Variants in KAZN observed in about 807,000 individuals in gnomAD.
KAZN encodes kazrin, periplakin interacting protein.
In KAZN, 40 loss-of-function variants were observed where a neutral mutation model predicts 87.4. The ratio of observed to expected loss-of-function variants is 0.46; its 90% CI spans 0.36 to 0.60. The LOEUF (loss-of-function observed/expected upper bound fraction) is 0.60, where lower values mean the gene tolerates loss of function less well. Among genes scored for constraint, KAZN ranks in the 20% least tolerant of loss-of-function variants. The pLI is 0.00. For missense variants in KAZN, 898 were observed against 1,073.9 expected, an observed-to-expected ratio of 0.84 and a Z score of 2.29; for synonymous variants, 466 against 458.3, an observed-to-expected ratio of 1.02 and a Z score of -0.22.
chr1:14,655,204 C>T (rs1375591471), intron 1 of KAZN, among the ~76,000 whole-genome samples: 1 of 152,164 alleles, frequency 6.6e-6, no homozygotes. Context: ...ACTCCAACCC[C>T]CTTCCTCTAT....
intron 2 of KAZN, among the ~76,000 whole-genome samples, chr1:14,229,246 A>G (rs1168113080): frequency 6.6e-6 from 1 of 152,210 alleles, no homozygotes; most frequent in African/African-American, 2.4e-5. Flanking sequence ...GCTCTCTTAA[A>G]AAACAAAACA....
intron 1 of KAZN, among the ~76,000 whole-genome samples, chr1:14,948,933 G>A (rs1662144203): frequency 6.6e-6 from 1 of 152,086 alleles, no homozygotes; most frequent in African/African-American, 2.4e-5. Flanking sequence ...GAGGCGAGCA[G>A]ATCACTTGAG....
At chr1:14,392,634 G>A (rs1019219789) in intron 2 of KAZN, among the ~76,000 whole-genome samples, 4 of 152,082 alleles carry the variant, frequency 2.6e-5, no homozygotes, top group Non-Finnish European at 5.9e-5. Flanking sequence ...GTGCATTGTC[G>A]GAGGTTTCAC....
chr1:14,326,890 T>A (rs1484196039), intron 2 of KAZN, among the ~76,000 whole-genome samples: 1 of 152,194 alleles, frequency 6.6e-6, no homozygotes, highest in Non-Finnish European at 1.5e-5. Context: ...TCTTCCCCCA[T>A]GTTGCCTGTC....
intron 2 of KAZN, among the ~76,000 whole-genome samples, chr1:14,205,554 A>G (rs1466495433): frequency 6.6e-6 from 1 of 152,164 alleles, no homozygotes; most frequent in Admixed American, 6.5e-5. Flanking sequence ...TTTTCTGTAT[A>G]GCCAGCATTG....
chr1:14,512,935 G>A (rs1356913913), intron 2 of KAZN, among the ~76,000 whole-genome samples: 1 of 152,162 alleles, frequency 6.6e-6, no homozygotes, highest in Non-Finnish European at 1.5e-5. Flanking sequence ...TCTCTTTCTC[G>A]GGTCTGAAAA....
At chr1:14,841,183 C>T (rs1350898726) in intron 1 of KAZN, among the ~76,000 whole-genome samples, 2 of 151,820 alleles carry the variant, frequency 1.3e-5, no homozygotes, top group East Asian at 3.9e-4. Context: ...TTTGGGAGGC[C>T]AAGGCGGGTG....
At chr1:14,888,501 A>T (rs962256792) in intron 1 of KAZN, among the ~76,000 whole-genome samples, 3 of 152,156 alleles carry the variant, frequency 2.0e-5, no homozygotes, top group Middle Eastern at 3.2e-3. Context: ...TTCAATACAC[A>T]CACTGGAAGG....
At chr1:14,684,022 T>C (rs1640822194) in intron 1 of KAZN, among the ~76,000 whole-genome samples, 2 of 152,218 alleles carry the variant, frequency 1.3e-5, no homozygotes, top group South Asian at 4.1e-4. Context: ...TATCCCACTT[T>C]ATTCTAGAAT....
At chr1:14,709,952 T>C (rs1390805294) in intron 1 of KAZN, among the ~76,000 whole-genome samples, 1 of 152,132 alleles carries the variant, frequency 6.6e-6, no homozygotes, top group African/African-American at 2.4e-5. Flanking sequence ...AATGAGAGCA[T>C]CATTCAAGGG....
intron 1 of KAZN, among the ~76,000 whole-genome samples, chr1:14,646,951 C>A (rs143476293): frequency 5.9e-5 from 9 of 152,302 alleles, no homozygotes; most frequent in African/African-American, 1.9e-4. Flanking sequence ...GGAGCTTCTG[C>A]TCCAGCACGT....
intron 2 of KAZN, among the ~76,000 whole-genome samples, chr1:14,238,638 C>T (rs1648640404): frequency 6.6e-6 from 1 of 152,246 alleles, no homozygotes; most frequent in South Asian, 2.1e-4. Context: ...AGAGGCCAGA[C>T]ATCTCTCTGG....
intron 1 of KAZN, among the ~76,000 whole-genome samples, chr1:14,756,407 C>G (rs1409811466): frequency 2.6e-5 from 4 of 152,222 alleles, no homozygotes; most frequent in Non-Finnish European, 5.9e-5. Flanking sequence ...TGGCATTTGT[C>G]TGATACCGGG....
chr1:14,329,245 C>T (rs1656673263), intron 2 of KAZN, among the ~76,000 whole-genome samples: 1 of 151,980 alleles, frequency 6.6e-6, no homozygotes, highest in African/African-American at 2.4e-5. Flanking sequence ...ATTAGCGGCT[C>T]CAGCAGAAGG....
chr1:14,551,678 C>T (rs960548226), intron 2 of KAZN, among the ~76,000 whole-genome samples: 5 of 152,088 alleles, frequency 3.3e-5, no homozygotes, highest in African/African-American at 9.7e-5. Flanking sequence ...GTGGAGGGAG[C>T]GAGGTGAAGC....
At chr1:14,338,502 A>AG (rs1225522188) in intron 2 of KAZN, among the ~76,000 whole-genome samples, 4 of 141,480 alleles carry the variant, frequency 2.8e-5, no homozygotes, top group Admixed American at 6.8e-5. Context: ...AAAAAAAAAA[A>AG]AAAGAGAGAG....
At chr1:14,422,784 G>C (rs1571609994) in intron 2 of KAZN, among the ~76,000 whole-genome samples, 1 of 152,202 alleles carries the variant, frequency 6.6e-6, no homozygotes, top group Non-Finnish European at 1.5e-5. Context: ...CTTTCTGGGG[G>C]CAATGTGAAC....
At position 14,115,688 on chromosome 1, in the gene KAZN, C is replaced by T. The variant is rs112059413; in HGVS notation, c.92-64747C>T. Among the ~76,000 whole-genome samples, 184 of 152,228 alleles carry T rather than the reference C, an allele frequency of 1.2e-3. 1 individual carries two copies. Among genetic ancestry groups the T allele is most frequent in the African/African-American group, 3.8e-3 (156 of 41,526 alleles). ...GCCACTGAAAAAATACCCGAAAATG[C>T]GGAAGCGACTTTGGAATTGAGTAAC... On this transcript the variant is annotated intron_variant, in intron 1 of 16. Coordinates refer to the KAZN transcript ENST00000636203.
intron 2 of KAZN, among the ~76,000 whole-genome samples, chr1:14,457,444 A>G (rs1667624442): frequency 6.6e-6 from 1 of 152,178 alleles, no homozygotes; most frequent in Non-Finnish European, 1.5e-5. Flanking sequence ...TTGCAGTTTT[A>G]CTCAATACAA....
Sources: gnomAD v4.1 joint callset for allele counts (sites outside exome capture counted in the v4.1 genomes callset) on GRCh38, gnomAD v4.1.1 for gene constraint, MANE v1.5 for transcripts, NCBI Gene and HGNC (gene_info 2026-07-23, HGNC 2026-07-21) for gene names.